The following SSUH2 variants were observed in gnomAD, a reference collection of about 807,000 sequenced individuals.
SSUH2 encodes protein SSUH2 homolog.
A neutral mutation model predicts 55.3 loss-of-function variants in SSUH2; 47 were observed. The observed-to-expected ratio is 0.85, with a 90% CI of 0.67 to 1.08. The LOEUF (loss-of-function observed/expected upper bound fraction) is 1.08, where lower values mean the gene tolerates loss of function less well. SSUH2 is among the 50% of genes least tolerant of loss of function. SSUH2 has a pLI of 0.00. For synonymous variants in SSUH2, 212 were observed against 191.5 expected, an observed-to-expected ratio of 1.11 and a Z score of -0.89; for missense variants, 535 against 490.7, an observed-to-expected ratio of 1.09 and a Z score of -0.85.
At chr3:8,660,962 G>T (rs1012998888) in intron 6 of SSUH2, among the ~76,000 whole-genome samples, 1 of 152,190 alleles carries the variant, frequency 6.6e-6, no homozygotes, top group South Asian at 2.1e-4. Flanking sequence ...AGAGCAAGGG[G>T]ACAAGGCCAG....
rs527849754 is a variant in SSUH2, at chr3:8,619,897, G to A, written c.1099C>T (p.Arg367Trp). ...ACGATGGTACAGCCACAGCAATACCGCTCAGGATAGTCCACCGCATACACC... is the reference window on the plus strand; with the variant it reads ...ACGATGGTACAGCCACAGCAATACCACTCAGGATAGTCCACCGCATACACC... ...HQVYAVDYPE[R>W]YCCGCTIV The change falls in exon 12 of 12, where the codon CGG becomes TGG. Residue 367 changes from arginine to tryptophan, a missense_variant. Arg to Trp is a moderately radical substitution (Grantham distance 101, BLOSUM62 -3). Transcript: ENST00000544814. The A allele has an allele frequency of 8.8e-5, 142 of 1,614,098 alleles. No individual in the cohort carries two copies. The highest frequency in any genetic ancestry group is 1.7e-4 in the Admixed American group (10 of 60,014).
chr3:8,650,641 C>T (rs540800178), intron 7 of SSUH2, among the ~76,000 whole-genome samples: 1 of 152,174 alleles, frequency 6.6e-6, no homozygotes, highest in South Asian at 2.1e-4. Context: ...AGTCTGAGTG[C>T]CACATTATAG....
intron 7 of SSUH2, among the ~76,000 whole-genome samples, chr3:8,652,583 A>C (rs922362615): frequency 7.9e-5 from 12 of 152,114 alleles, no homozygotes; most frequent in Non-Finnish European, 1.3e-4. Flanking sequence ...TCTTGCTTCA[A>C]ATCTTTTATG....
At chr3:8,651,710 T>C (rs1702433256) in intron 7 of SSUH2, among the ~76,000 whole-genome samples, 1 of 152,050 alleles carries the variant, frequency 6.6e-6, no homozygotes, top group South Asian at 2.1e-4. Context: ...AGAAATCATT[T>C]TTTCCTCCAT....
upstream of SSUH2, among the ~76,000 whole-genome samples, chr3:8,646,503 A>G (rs1701696942): frequency 6.6e-6 from 1 of 152,360 alleles, no homozygotes; most frequent in Admixed American, 6.5e-5. Flanking sequence ...TTTCGTAACC[A>G]GGAAGTGCTG....
intron 1 of SSUH2, among the ~76,000 whole-genome samples, chr3:8,638,309 C>T (rs73812740): frequency 0.015 from 2,246 of 152,340 alleles, 53 homozygotes; most frequent in African/African-American, 0.051. Flanking sequence ...CCCTCTCTAC[C>T]ACCTCCCAAA....
intron 1 of SSUH2, among the ~76,000 whole-genome samples, chr3:8,680,112 G>A (rs973131220): frequency 6.6e-6 from 1 of 152,188 alleles, no homozygotes; most frequent in African/African-American, 2.4e-5. Flanking sequence ...GATGGCAGCT[G>A]GACTTTTAAC....
chr3:8,658,745 G>C (rs1473475349), intron 7 of SSUH2, among the ~76,000 whole-genome samples: 1 of 151,990 alleles, frequency 6.6e-6, no homozygotes, highest in Non-Finnish European at 1.5e-5. Context: ...AAACAGAGAA[G>C]AAAAAAAGCC....
rs1452970974 is a variant in SSUH2 at position 8,674,443 on chromosome 3, G to C, written c.-752-2408C>G. On this transcript the variant is annotated intron_variant, in intron 3 of 18. Transcript: ENST00000317371. ...GAGACCGGGCTCAAGTGTCCCCAAA[G>C]ACCCCCTGGTCAGAATGATGGTCGG... Among the ~76,000 whole-genome samples the C allele has an allele frequency of 1.3e-5, 2 of 152,280 alleles. 1 individual carries two copies. Among genetic ancestry groups the C allele is most frequent in the East Asian group, 3.9e-4 (2 of 5,168 alleles).
exon 3 of SSUH2, chr3:8,677,282 C>T (rs1705487343): frequency 6.6e-6 from 1 of 151,584 alleles, no homozygotes; most frequent in Non-Finnish European, 1.5e-5. Flanking sequence ...TTGGGATTTA[C>T]TATCCAACAG....
Position 8,633,782 on chromosome 3 carries a change from T to A in SSUH2, c.223A>T (p.Thr75Ser). 1 of 1,612,502 alleles carries A rather than the reference T, an allele frequency of 6.2e-7. No individual in the cohort carries two copies. Residue 75 changes from threonine (T) to serine (S), a missense_variant, in exon 4 of 12, where the codon ACG becomes TCG. Physicochemically the swap from Thr to Ser is moderately conservative, Grantham distance 58. Coordinates refer to ENST00000544814, the MANE Select transcript of SSUH2 (RefSeq NM_001256748.3). ...AGGGCTTCCCGGGCCACCTCCTCCG[T>A]CATCGCAGGGACTCTGCAGGGGACC... is the stretch of plus-strand genomic sequence containing the variant. ...SFLEHRVPAM[T>S]EEVAREALLS... is the part of the protein sequence containing the mutation.
chr3:8,663,759 C>T (rs933050986), exon 6 of SSUH2: 2 of 455,586 alleles, frequency 4.4e-6, no homozygotes, highest in Admixed American at 2.4e-5. Context: ...CAAGGATTTC[C>T]CAACAACTGG....
chr3:8,639,951 G>A lies in SSUH2; in HGVS notation c.29-4094C>T, dbSNP rs6772171. 3,287 of 985,180 alleles carry A rather than the reference G, an allele frequency of 3.3e-3. 94 individuals are homozygous for A. The African/African-American group carries it at 0.052, about 16-fold the overall frequency. The allele number at this position is 985,180 out of a possible 1,614,324, so 61.0% of individuals were successfully genotyped here. On this transcript the variant is annotated intron_variant, in intron 1 of 11. Transcript: ENST00000544814. Reference sequence around the variant, plus strand: ...GTTAGGGGAACAGCAAACCTACCACGATGGGTGTATTGTCGATATGCACAA... The same window carrying A: ...GTTAGGGGAACAGCAAACCTACCACAATGGGTGTATTGTCGATATGCACAA...
upstream of SSUH2, among the ~76,000 whole-genome samples, chr3:8,645,404 C>T (rs1701551355): frequency 6.6e-6 from 1 of 152,192 alleles, no homozygotes; most frequent in Admixed American, 6.5e-5. Flanking sequence ...ACACCAGCCT[C>T]GCCCACTGTG....
upstream of SSUH2, among the ~76,000 whole-genome samples, chr3:8,645,502 T>C (rs528430554): frequency 3.9e-5 from 6 of 152,284 alleles, no homozygotes; most frequent in African/African-American, 1.4e-4. Context: ...TGGAAGATCA[T>C]CCTCCTCTGC....
intron 6 of SSUH2, 77 bp from the exon 7 acceptor site, chr3:8,629,803 C>T: frequency 7.1e-7 from 1 of 1,410,068 alleles, no homozygotes; most frequent in Non-Finnish European, 1.0e-6. Flanking sequence ...ACCATCTAAA[C>T]CGAAGGTGGA....
rs144318472 is a variant in SSUH2 at position 8,678,318 on chromosome 3, C to T, written c.-900-965G>A. Among the ~76,000 whole-genome samples, 690 of 152,168 alleles carry T rather than the reference C, an allele frequency of 4.5e-3. 6 individuals are homozygous for T. The highest frequency in any genetic ancestry group is 0.016 in the African/African-American group (645 of 41,518). The stretch of plus-strand genomic sequence containing the variant: ...AAGAATATCACAGGGTGGGTGTACA[C>T]CTCGTGCTCTATTATGGGGAGTCAT... On this transcript the variant is annotated intron_variant, in intron 2 of 18. Transcript: ENST00000317371.
intron 1 of SSUH2, among the ~76,000 whole-genome samples, chr3:8,641,196 C>T (rs60053080): frequency 0.013 from 2,036 of 152,316 alleles, 52 homozygotes; most frequent in African/African-American, 0.045. Flanking sequence ...CACTTCTCCA[C>T]TGTTGTTTTG....
intron 7 of SSUH2, among the ~76,000 whole-genome samples, chr3:8,656,035 G>A (rs1332117652): frequency 6.6e-6 from 1 of 151,810 alleles, no homozygotes; most frequent in Non-Finnish European, 1.5e-5. Context: ...GTTGTTGGGT[G>A]GTTTGTTCTG....
Sources: gnomAD v4.1 joint callset for allele counts (sites outside exome capture counted in the v4.1 genomes callset) on GRCh38, gnomAD v4.1.1 for gene constraint, MANE v1.5 for transcripts, NCBI Gene and HGNC (gene_info 2026-07-23, HGNC 2026-07-21) for gene names.